ANO6: variants seen among roughly 807,000 people sequenced by gnomAD.
ANO6 encodes anoctamin-6.
ANO6 carries 106 observed loss-of-function variants against 117.5 expected under a neutral mutation model. The observed-to-expected ratio is 0.90, with a 90% CI of 0.77 to 1.06. The LOEUF (loss-of-function observed/expected upper bound fraction) is 1.06. ANO6 is among the 50% of genes least tolerant of loss of function. The pLI is 0.00. For synonymous variants in ANO6, 367 were observed against 385.1 expected (o/e 0.95, Z 0.55); for missense variants, 955 against 1,121.1 (o/e 0.85, Z 2.12).
intron 12 of ANO6, among the ~76,000 whole-genome samples, chr12:45,391,128 AT>A (rs200970318): frequency 6.6e-6 from 1 of 152,064 alleles, no homozygotes; most frequent in Admixed American, 6.5e-5. Context: ...CAAAAAAAAA[AT>A]AAATAAAATG....
At chr12:45,381,197 T>A (rs558704174) in intron 10 of ANO6, among the ~76,000 whole-genome samples, 1 of 152,340 alleles carries the variant, frequency 6.6e-6, no homozygotes, top group East Asian at 1.9e-4. Flanking sequence ...TATGTGCATC[T>A]TCTTCATCTG....
chr12:45,282,060 G>A (rs767816376), intron 1 of ANO6, among the ~76,000 whole-genome samples: 27 of 152,104 alleles, frequency 1.8e-4, no homozygotes, highest in Non-Finnish European at 3.8e-4. Context: ...GCGGAAGGGA[G>A]GCTAGTCAAG....
At chr12:45,306,624 C>A (rs888045039) in intron 2 of ANO6, among the ~76,000 whole-genome samples, 1 of 151,968 alleles carries the variant, frequency 6.6e-6, no homozygotes, top group Non-Finnish European at 1.5e-5. Context: ...TTTTGATTAT[C>A]TTCAACCATA....
At chr12:45,319,346 A>C (rs752684120) in intron 2 of ANO6, among the ~76,000 whole-genome samples, 1 of 152,128 alleles carries the variant, frequency 6.6e-6, no homozygotes, top group Admixed American at 6.6e-5. Context: ...ATTTTGTCGA[A>C]GGCCTTTTCT....
intron 19 of ANO6, among the ~76,000 whole-genome samples, chr12:45,426,601 A>AAAAATCTGAGTCAAATTTTTGCTG (rs1943509335): frequency 6.6e-6 from 1 of 152,120 alleles, no homozygotes; most frequent in African/African-American, 2.4e-5. Context: ...TTGACTTAGC[A>AAAAATCTGAGTCAAATTTTTGCTG]AAAATCTGAG....
chr12:45,230,701 A>G (rs1307993177), intron 1 of ANO6, among the ~76,000 whole-genome samples: 1 of 152,126 alleles, frequency 6.6e-6, no homozygotes, highest in African/African-American at 2.4e-5. Flanking sequence ...GAAAATATCT[A>G]TGGAATAAGA....
chr12:45,440,036 A>G, exon 20 of ANO6: 1 of 1,211,990 alleles, frequency 8.3e-7, no homozygotes, highest in Non-Finnish European at 1.1e-6. Context: ...TTGGCTCATT[A>G]ATATTCCAAT....
intron 12 of ANO6, among the ~76,000 whole-genome samples, chr12:45,394,505 C>G (rs207472908): frequency 6.6e-6 from 1 of 152,212 alleles, no homozygotes. Flanking sequence ...TAATGGACAT[C>G]TACAGAACTC....
At chr12:45,299,982 A>G (rs898393052) in intron 1 of ANO6, among the ~76,000 whole-genome samples, 2 of 152,202 alleles carry the variant, frequency 1.3e-5, no homozygotes, top group Non-Finnish European at 2.9e-5. Flanking sequence ...TTTGTAAACA[A>G]TCACATAGAG....
intron 19 of ANO6, among the ~76,000 whole-genome samples, chr12:45,425,168 A>T (rs556446766): frequency 6.6e-6 from 1 of 151,860 alleles, no homozygotes; most frequent in African/African-American, 2.4e-5. Flanking sequence ...AAATAAAATC[A>T]TTGGTGAAAT....
intron 1 of ANO6, among the ~76,000 whole-genome samples, chr12:45,281,673 T>C (rs1938740127): frequency 6.6e-6 from 1 of 152,196 alleles, no homozygotes; most frequent in East Asian, 1.9e-4. Flanking sequence ...CACTAGATGC[T>C]GCATCCAACA....
At chr12:45,256,070 T>A (rs2137199163) in intron 1 of ANO6, among the ~76,000 whole-genome samples, 1 of 152,210 alleles carries the variant, frequency 6.6e-6, no homozygotes, top group Admixed American at 6.5e-5. Flanking sequence ...GTGATCCGCC[T>A]GTCTCGGCCT....
intron 15 of ANO6, among the ~76,000 whole-genome samples, chr12:45,407,146 G>A (rs935410345): frequency 3.9e-5 from 6 of 152,148 alleles, no homozygotes; most frequent in African/African-American, 1.4e-4. Context: ...GTTCAACTCA[G>A]GAAAACCAAA....
At chr12:45,282,577 T>G (rs1025761336) in intron 1 of ANO6, among the ~76,000 whole-genome samples, 5 of 152,168 alleles carry the variant, frequency 3.3e-5, no homozygotes, top group African/African-American at 1.2e-4. Flanking sequence ...TGCAAGTCAC[T>G]ATGGACCTTA....
chr12:45,274,586 C>T (rs1938489078), intron 1 of ANO6, among the ~76,000 whole-genome samples: 1 of 152,066 alleles, frequency 6.6e-6, no homozygotes, highest in East Asian at 1.9e-4. Flanking sequence ...GGTCTGAGTT[C>T]ATAGAACAGT....
intron 15 of ANO6, among the ~76,000 whole-genome samples, chr12:45,405,935 T>A (rs1320673771): frequency 6.6e-6 from 1 of 152,058 alleles, no homozygotes; most frequent in African/African-American, 2.4e-5. Flanking sequence ...ATATCAGTTA[T>A]CCTTTCTATC....
intron 10 of ANO6, among the ~76,000 whole-genome samples, chr12:45,379,745 A>G (rs947622669): frequency 2.0e-5 from 3 of 152,244 alleles, no homozygotes; most frequent in Non-Finnish European, 4.4e-5. Flanking sequence ...CAAATTTACT[A>G]GCTAACCTTC....
chr12:45,225,488 T>A (rs1947468110), intron 1 of ANO6, among the ~76,000 whole-genome samples: 1 of 151,996 alleles, frequency 6.6e-6, no homozygotes, highest in South Asian at 2.1e-4. Context: ...TTTGGGACAT[T>A]TTTAGATTTT....
chr12:45,252,559 G>C (rs376869999), intron 1 of ANO6, among the ~76,000 whole-genome samples: 1 of 151,896 alleles, frequency 6.6e-6, no homozygotes, highest in Middle Eastern at 3.2e-3. Flanking sequence ...TGTTTCTTAG[G>C]GTACATGCTA....
Sources: gnomAD v4.1 joint callset for allele counts (sites outside exome capture counted in the v4.1 genomes callset) on GRCh38, gnomAD v4.1.1 for gene constraint, MANE v1.5 for transcripts, NCBI Gene and HGNC (gene_info 2026-07-23, HGNC 2026-07-21) for gene names.